Variants in UBR4 observed in about 807,000 individuals in gnomAD.
UBR4 encodes the protein E3 ubiquitin-protein ligase UBR4.
Under a neutral mutation model 575.6 loss-of-function variants are expected in UBR4, and 124 were observed. The ratio of observed to expected loss-of-function variants is 0.22; its 90% CI spans 0.19 to 0.25. The LOEUF is 0.25. Ranked by LOEUF, UBR4 falls within the 10% of genes least tolerant of loss-of-function variation. The pLI is 1.00. For synonymous variants in UBR4, 2,455 were observed against 2,473.7 expected, an observed-to-expected ratio of 0.99 and a Z score of 0.22; for missense variants, 4,818 against 6,478.8, an observed-to-expected ratio of 0.74 and a Z score of 8.80.
intron 11 of UBR4, among the ~76,000 whole-genome samples, chr1:19,188,590 A>G (rs574846915): frequency 6.6e-6 from 1 of 152,382 alleles, no homozygotes; most frequent in African/African-American, 2.4e-5. Flanking sequence ...ATTCAAGTAA[A>G]GTGTTTTCCT....
intron 22 of UBR4, 121 bp from the exon 23 acceptor site, chr1:19,173,742 T>A: frequency 2.0e-6 from 2 of 991,362 alleles, no homozygotes; most frequent in Non-Finnish European, 2.9e-6. Context: ...TGATTTTAAA[T>A]TGAGATTTGG....
chr1:19,074,666 A>G lies in UBR4; in HGVS notation c.*166T>C, dbSNP rs1466786438. The G allele has an allele frequency of 1.5e-5, 11 of 747,642 alleles. No individual in the cohort carries two copies. Among genetic ancestry groups the G allele is most frequent in the East Asian group, 2.7e-5 (1 of 36,710 alleles). The allele number at this position is 747,642 out of a possible 1,614,324, so 46.3% of individuals were successfully genotyped here. ...AGCTGGTGCACCACACACACGAGAT[A>G]AAACAGGAAGCCTAAAAACCCCAAG... is the stretch of plus-strand genomic sequence containing the variant. On this transcript the variant is annotated 3_prime_UTR_variant, in exon 106 of 106. Transcript: ENST00000375254.
chr1:19,110,661 G>C lies in UBR4; in HGVS notation c.11892+81C>G. 1 of 1,508,530 alleles carries C rather than the reference G, an allele frequency of 6.6e-7. No individual in the cohort carries two copies. Among genetic ancestry groups the C allele is most frequent in the South Asian group, 1.1e-5 (1 of 88,654 alleles). 93.4% of individuals were successfully genotyped at this position (1,508,530 alleles called of 1,614,324 possible). On this transcript the variant is annotated intron_variant, in intron 79 of 105. Transcript: ENST00000375254. This position sits in a 1 kb window ranked among gnomAD's most constrained non-coding sequence, Gnocchi z 4.5. ...CTCCTTCCCTCCTCAGTCACCGCAG[G>C]ACCTGGGAGGGGAAGCTGAGAAACA...
rs1222831911 is a variant in UBR4 at position 19,210,206 on chromosome 1, C to T, written c.43G>A (p.Ala15Thr). 6.8e-7 allele frequency: 1 copy of T among 1,461,456 alleles called. No homozygotes were observed. The highest frequency in any genetic ancestry group is 9.0e-7 in the Non-Finnish European group (1 of 1,110,912). The allele number at this position is 1,461,456 out of a possible 1,614,324, so 90.5% of individuals were successfully genotyped here. The change falls in exon 1 of 106, where the codon GCG becomes ACG. Residue 15 changes from alanine (A) to threonine (T), a missense_variant. Coordinates refer to ENST00000375254, the MANE Select transcript of UBR4 (RefSeq NM_020765.3). ...GGEEAAAAAP[A>T]PGTPATGADT... ...GCCCCCGTTGCCGGGGTCCCCGGCG[C>T]CGGAGCCGCTGCCGCCGCCTCTTCG...
Position 19,153,354 on chromosome 1 carries a change from C to G in UBR4, c.6779G>C (p.Ser2260Thr). 1 of 1,614,188 alleles carries G rather than the reference C, an allele frequency of 6.2e-7. No homozygotes were observed. The highest frequency in any genetic ancestry group is 2.2e-5 in the East Asian group (1 of 44,876). Residue 2260 changes from serine to threonine, a missense_variant, in exon 46 of 106, where the codon AGC becomes ACC. By Grantham distance (58) the Ser-to-Thr change is moderately conservative (BLOSUM62 1). Transcript: ENST00000375254. This position sits in a 1 kb window ranked among gnomAD's most constrained non-coding sequence, Gnocchi z 4.1. Reference protein sequence around the residue: ...SYWLQPSLQPSSVISIMKPVR... With the variant: ...SYWLQPSLQPTSVISIMKPVR... ...AGGCTTCATGATGCTGATGACACTG[C>G]TGGGCTGCAGGGATGGCTGCAGCCA... is the stretch of plus-strand genomic sequence containing the variant.
intron 32 of UBR4, 103 bp downstream of exon 32, chr1:19,164,696 A>G: frequency 7.0e-7 from 1 of 1,429,348 alleles, no homozygotes; most frequent in Non-Finnish European, 9.7e-7. Context: ...AGATACAAAA[A>G]TGCTGAGAAT....
intron 1 of UBR4, among the ~76,000 whole-genome samples, chr1:19,206,672 G>C (rs537763862): frequency 6.6e-6 from 1 of 152,268 alleles, no homozygotes; most frequent in South Asian, 2.1e-4. Flanking sequence ...TATTTTAGTA[G>C]CCTTTACTAC....
intron 55 of UBR4, among the ~76,000 whole-genome samples, chr1:19,142,223 A>C (rs2084025304): frequency 6.6e-6 from 1 of 152,182 alleles, no homozygotes; most frequent in South Asian, 2.1e-4. Flanking sequence ...GGTCAGTGAG[A>C]TTTTCACACT....
chr1:19,105,645 A>C, intron 84 of UBR4, 88 bp downstream of exon 84: 1 of 1,048,530 alleles, frequency 9.5e-7, no homozygotes, highest in East Asian at 2.8e-5. Flanking sequence ...TGTGCCTCTC[A>C]TTACCCTGAT....
At chr1:19,107,774 G>A (rs1256150593) in intron 81 of UBR4, among the ~76,000 whole-genome samples, 3 of 151,444 alleles carry the variant, frequency 2.0e-5, no homozygotes, top group African/African-American at 7.3e-5. Flanking sequence ...GACAGAATGG[G>A]ACCCTGTCTC....
rs767447566 is a variant in UBR4, at chr1:19,210,255, T to C, written c.-7A>G. On this transcript the variant is annotated 5_prime_UTR_variant, in exon 1 of 106. Transcript: ENST00000375254. Reference sequence around the variant, plus strand: ...CGCCGCCGCTCGTCGCCATCTTCCGTCGTACTACTGCGGCTCCCTCCGGGG... The same window carrying C: ...CGCCGCCGCTCGTCGCCATCTTCCGCCGTACTACTGCGGCTCCCTCCGGGG... 3 of 1,448,766 alleles carry C rather than the reference T, an allele frequency of 2.1e-6. No homozygotes were observed. Among genetic ancestry groups the C allele is most frequent in the African/African-American group, 3.0e-5 (2 of 67,286 alleles). The allele number at this position is 1,448,766 out of a possible 1,614,324, so 89.7% of individuals were successfully genotyped here. A position where few individuals can be genotyped will look rare whatever the true frequency, so the allele number is the denominator to read the frequency against.
intron 29 of UBR4, among the ~76,000 whole-genome samples, chr1:19,166,076 C>T (rs1325311273): frequency 6.6e-6 from 1 of 152,198 alleles, no homozygotes; most frequent in Non-Finnish European, 1.5e-5. Flanking sequence ...CATTTCTACA[C>T]AGCTAAAAGT....
At chr1:19,078,663 T>G (rs1268274349) in intron 103 of UBR4, 3 of 153,014 alleles carry the variant, frequency 2.0e-5, no homozygotes, top group African/African-American at 7.2e-5. Flanking sequence ...ATCACCTAAA[T>G]CCTGGGATAA....
Position 19,157,072 on chromosome 1 carries a change from T to A in UBR4, c.5761-147A>T. 1.2e-6 allele frequency: 1 copy of A among 846,972 alleles called. No individual in the cohort carries two copies. The highest frequency in any genetic ancestry group is 1.8e-6 in the Non-Finnish European group (1 of 566,820). The allele number at this position is 846,972 out of a possible 1,614,324, so 52.5% of individuals were successfully genotyped here. A position where few individuals can be genotyped will look rare whatever the true frequency, so the allele number is the denominator to read the frequency against. ...CTAGTAGAAAATCCTAGATCAGTAT[T>A]AGTCTCTATTACTCCTGGCTAAAAG... On this transcript the variant is annotated intron_variant, in intron 40 of 105. Coordinates refer to ENST00000375254, the MANE Select transcript of UBR4 (RefSeq NM_020765.3). The surrounding 1 kb of genome is among the most constrained non-coding windows in gnomAD (Gnocchi z 4.4).
At chr1:19,204,721 T>C (rs1221450899) in intron 1 of UBR4, among the ~76,000 whole-genome samples, 1 of 152,152 alleles carries the variant, frequency 6.6e-6, no homozygotes, top group Non-Finnish European at 1.5e-5. Context: ...TCTTCAGCTC[T>C]ACTTATAATG....
rs761058240 is a variant in UBR4, at chr1:19,093,132, C to A, written c.14111+181G>T. Among the ~76,000 whole-genome samples the A allele has an allele frequency of 1.3e-5, 2 of 152,232 alleles. No individual in the cohort carries two copies. The highest frequency in any genetic ancestry group is 1.5e-5 in the Non-Finnish European group (1 of 68,048). ...AAACCAAAAAGTTGCCATCCTTTTC[C>A]GGCAAGCCCCGAGGACTCTGCAGTG... On this transcript the variant is annotated intron_variant, in intron 96 of 105. Transcript: ENST00000375254. This position sits in a 1 kb window ranked among gnomAD's most constrained non-coding sequence, Gnocchi z 4.8.
In UBR4 at chr1:19,126,501, T is replaced by G; in HGVS notation, c.9383A>C (p.His3128Pro). 6.2e-7 allele frequency: 1 copy of G among 1,614,182 alleles called. No individual in the cohort carries two copies. Among genetic ancestry groups the G allele is most frequent in the Non-Finnish European group, 8.5e-7 (1 of 1,180,020 alleles). The change falls in exon 64 of 106, where the codon CAT (histidine) becomes CCT (proline). Residue 3128 changes from histidine (H) to proline (P), a missense_variant. Physicochemically the swap from His to Pro is moderately conservative, Grantham distance 77 (BLOSUM62 -2). Around this residue, in one of 29 missense-constraint regions of UBR4, gnomAD observed 550 missense variants for 791.5 expected, o/e 0.69. Transcript: ENST00000375254. ...PVATSQLLKP[H>P]TTSSPPDMSP... ...CATGTCAGGTGGGGAGGAGGTAGTA[T>G]GTGGTTTCAGCAACTGGCTGGTAGC... is the stretch of plus-strand genomic sequence containing the variant.
chr1:19,100,347 C>T lies in UBR4; in HGVS notation c.13221+29G>A, dbSNP rs199588130. On this transcript the variant is annotated intron_variant, in intron 89 of 105. Transcript: ENST00000375254. The surrounding 1 kb of genome is among the most constrained non-coding windows in gnomAD (Gnocchi z 4.2). ...CTAGGAGGAAGCCCCTAATCGTAAACGTGGGCAGCACTGTCCTATGGTCAT... is the reference window on the plus strand; with the variant it reads ...CTAGGAGGAAGCCCCTAATCGTAAATGTGGGCAGCACTGTCCTATGGTCAT... 9 of 1,612,422 alleles carry T rather than the reference C, an allele frequency of 5.6e-6. No homozygotes were observed. The highest frequency in any genetic ancestry group is 4.5e-5 in the East Asian group (2 of 44,864).
chr1:19,162,451 ACCG>A lies in UBR4; in HGVS notation c.4922_4924del (p.Ala1641del), dbSNP rs967545825. ...CTCAGCCTGGGAATCTTCCTCTTCC[ACCG>A]CCAACTCCTCCACCCAGTCTGAGTC... On this transcript the variant is annotated inframe_deletion, in exon 35 of 106. Coordinates refer to ENST00000375254, the MANE Select transcript of UBR4 (RefSeq NM_020765.3). 2 of 1,613,800 alleles carry A rather than the reference ACCG, an allele frequency of 1.2e-6. No homozygotes were observed. Among genetic ancestry groups the A allele is most frequent in the African/African-American group, 2.7e-5 (2 of 74,894 alleles).
Sources: allele counts gnomAD v4.1 joint callset (sites outside exome capture counted in the v4.1 genomes callset), GRCh38; gene constraint gnomAD v4.1.1; regional missense constraint gnomAD v4.1.1; non-coding constraint Gnocchi (gnomAD v3.1); transcripts MANE v1.5; gene names NCBI Gene and HGNC (gene_info 2026-07-23, HGNC 2026-07-21).